LDLRAD4: variants seen among roughly 807,000 people sequenced by gnomAD.
LDLRAD4 encodes low density lipoprotein receptor class A domain containing 4.
LDLRAD4 carries 5 observed loss-of-function variants against 17.0 expected under a neutral mutation model. That is an observed-to-expected ratio of 0.29 (90% CI 0.15 to 0.62). The LOEUF is 0.62. Among genes scored for constraint, LDLRAD4 ranks in the 20% least tolerant of loss-of-function variants. LDLRAD4 has a pLI of 0.84. For synonymous variants in LDLRAD4, 168 were observed against 171.8 expected (o/e 0.98, Z 0.17); for missense variants, 340 against 424.7 (o/e 0.80, Z 1.75).
chr18:13,314,735 C>T (rs531038416), intron 1 of LDLRAD4, among the ~76,000 whole-genome samples: 5 of 152,204 alleles, frequency 3.3e-5, no homozygotes, highest in African/African-American at 9.6e-5. Flanking sequence ...GGAGACAAAA[C>T]GTAGAGTTTT....
chr18:13,466,183 A>G (rs2092609687), intron 3 of LDLRAD4, among the ~76,000 whole-genome samples: 1 of 152,166 alleles, frequency 6.6e-6, no homozygotes. Context: ...AACATAAGAA[A>G]ATCAGGCCTG....
intron 3 of LDLRAD4, among the ~76,000 whole-genome samples, chr18:13,494,905 A>T (rs2093435317): frequency 6.7e-6 from 1 of 150,334 alleles, no homozygotes. Flanking sequence ...TCCTGTTGTT[A>T]CACTAGTGAG....
At chr18:13,361,102 C>T (rs2083636733) in intron 1 of LDLRAD4, among the ~76,000 whole-genome samples, 1 of 152,188 alleles carries the variant, frequency 6.6e-6, no homozygotes, top group Non-Finnish European at 1.5e-5. Context: ...CATCACTCAT[C>T]AGGAAGACCG....
intron 1 of LDLRAD4, among the ~76,000 whole-genome samples, chr18:13,293,475 G>A (rs2146446662): frequency 6.6e-6 from 1 of 152,274 alleles, no homozygotes; most frequent in Non-Finnish European, 1.5e-5. Context: ...TCCTCATGTA[G>A]AAGTTATGCA....
At chr18:13,541,112 G>T (rs981402216) in intron 3 of LDLRAD4, among the ~76,000 whole-genome samples, 1 of 152,148 alleles carries the variant, frequency 6.6e-6, no homozygotes, top group Non-Finnish European at 1.5e-5. Flanking sequence ...AAGCCAGCCC[G>T]ACCCCGCAAG....
At chr18:13,310,282 G>A (rs1354656946) in intron 1 of LDLRAD4, among the ~76,000 whole-genome samples, 4 of 151,734 alleles carry the variant, frequency 2.6e-5, no homozygotes, top group South Asian at 4.2e-4. Context: ...GCAGGAGGTC[G>A]ATGCTGAAGT....
At chr18:13,639,000 T>G (rs2042301336) in intron 4 of LDLRAD4, among the ~76,000 whole-genome samples, 1 of 152,246 alleles carries the variant, frequency 6.6e-6, no homozygotes, top group South Asian at 2.1e-4. Context: ...TTTTGGTTGT[T>G]ATTACAAGGA....
intron 1 of LDLRAD4, among the ~76,000 whole-genome samples, chr18:13,375,246 A>G (rs2084819482): frequency 6.6e-6 from 1 of 152,176 alleles, no homozygotes; most frequent in East Asian, 1.9e-4. Flanking sequence ...AAAGGAGGAG[A>G]AAAGGAGGAG....
intron 1 of LDLRAD4, among the ~76,000 whole-genome samples, chr18:13,227,494 C>T (rs2041870353): frequency 6.6e-6 from 1 of 152,178 alleles, no homozygotes; most frequent in African/African-American, 2.4e-5. Context: ...GCTGGGGGTG[C>T]ACTTCCACCT....
At chr18:13,374,372 T>C (rs1313341521) in intron 1 of LDLRAD4, among the ~76,000 whole-genome samples, 1 of 152,234 alleles carries the variant, frequency 6.6e-6, no homozygotes, top group African/African-American at 2.4e-5. Flanking sequence ...TGTCCATTGT[T>C]GGTCTGTGGA....
At chr18:13,391,374 G>A (rs2086263722) in intron 2 of LDLRAD4, among the ~76,000 whole-genome samples, 1 of 152,144 alleles carries the variant, frequency 6.6e-6, no homozygotes, top group Non-Finnish European at 1.5e-5. Flanking sequence ...CATGAAGGGG[G>A]TGGGAGTTTG....
At chr18:13,493,753 C>G (rs2093405115) in intron 3 of LDLRAD4, among the ~76,000 whole-genome samples, 1 of 152,150 alleles carries the variant, frequency 6.6e-6, no homozygotes, top group African/African-American at 2.4e-5. Context: ...GACATGGCCT[C>G]TTTACTTCAT....
intron 2 of LDLRAD4, among the ~76,000 whole-genome samples, chr18:13,399,607 C>T (rs891007350): frequency 6.6e-6 from 1 of 152,202 alleles, no homozygotes; most frequent in Non-Finnish European, 1.5e-5. Flanking sequence ...CAAATATTTG[C>T]TAACTCTGAG....
intron 1 of LDLRAD4, among the ~76,000 whole-genome samples, chr18:13,346,836 C>T (rs1431660002): frequency 6.6e-6 from 1 of 152,102 alleles, no homozygotes; most frequent in Non-Finnish European, 1.5e-5. Flanking sequence ...ATGTAATGGC[C>T]TTCTTTGTCT....
intron 1 of LDLRAD4, among the ~76,000 whole-genome samples, chr18:13,372,319 T>G (rs1425910744): frequency 6.6e-6 from 1 of 152,188 alleles, no homozygotes; most frequent in Non-Finnish European, 1.5e-5. Context: ...GTGTAGTTTT[T>G]TTCCTGGTTA....
At chr18:13,248,315 T>C (rs2043067626) in intron 1 of LDLRAD4, among the ~76,000 whole-genome samples, 1 of 152,224 alleles carries the variant, frequency 6.6e-6, no homozygotes, top group African/African-American at 2.4e-5. Context: ...ACAAAATGTC[T>C]GACAGAAGAA....
chr18:13,599,420 A>G (rs897219101), intron 3 of LDLRAD4, among the ~76,000 whole-genome samples: 3 of 152,084 alleles, frequency 2.0e-5, no homozygotes, highest in African/African-American at 7.2e-5. Flanking sequence ...AATTTCAGCA[A>G]TTATGGTTGT....
chr18:13,522,192 ACTT>A (rs924794893), intron 3 of LDLRAD4: 19 of 152,016 alleles, frequency 1.2e-4, no homozygotes, highest in African/African-American at 4.6e-4. Context: ...GGCCAGGCTG[ACTT>A]CTTGCTCTCT....
chr18:13,264,403 A>G (rs959665072), intron 1 of LDLRAD4, among the ~76,000 whole-genome samples: 31 of 152,378 alleles, frequency 2.0e-4, no homozygotes, highest in African/African-American at 6.0e-4. Flanking sequence ...CCAATGTTCA[A>G]CAGTGTGCAG....
Sources: allele counts gnomAD v4.1 joint callset (sites outside exome capture counted in the v4.1 genomes callset), GRCh38; gene constraint gnomAD v4.1.1; transcripts MANE v1.5; gene names NCBI Gene and HGNC (gene_info 2026-07-23, HGNC 2026-07-21).